The following HSPA12A variants were observed in gnomAD, a reference collection of about 807,000 sequenced individuals.
HSPA12A encodes heat shock protein family A (Hsp70) member 12A, also known as heat shock 70 kDa protein 12A.
In HSPA12A, 28 loss-of-function variants were observed where a neutral mutation model predicts 69.2. The observed-to-expected ratio is 0.40, with a 90% confidence interval of 0.30 to 0.55. HSPA12A has a LOEUF of 0.55. HSPA12A is among the 20% of genes least tolerant of loss of function. The pLI is 0.38. For synonymous variants in HSPA12A, 345 were observed against 370.5 expected (o/e 0.93, Z 0.79); for missense variants, 686 against 900.7 (o/e 0.76, Z 3.05).
intron 2 of HSPA12A, among the ~76,000 whole-genome samples, chr10:116,792,782 C>T (rs867164903): frequency 3.3e-5 from 5 of 150,098 alleles, no homozygotes; most frequent in Non-Finnish European, 7.4e-5. Flanking sequence ...CAGAGTAAGA[C>T]CCTGTCTCAA....
At chr10:116,789,576 C>CT (rs994013442) in intron 2 of HSPA12A, among the ~76,000 whole-genome samples, 3 of 152,126 alleles carry the variant, frequency 2.0e-5, no homozygotes, top group Non-Finnish European at 4.4e-5. Context: ...GCTGCTTATA[C>CT]TTTTTCTGCC....
At position 116,813,905 on chromosome 10, in the gene HSPA12A, A is replaced by G. The variant is rs75798229; in HGVS notation, c.91+21030T>C. On this transcript the variant is annotated intron_variant, in intron 2 of 12. Transcript: ENST00000635765. ...CTTGTTGCTAAGAAAAAAAGAAATT[A>G]TAGAAATGTCTAGTAATAGAATAAC... 9.1e-3 allele frequency among the ~76,000 whole-genome samples: 1,390 copies of G among 152,222 alleles called. 17 individuals are homozygous for G. The highest frequency in any genetic ancestry group is 0.031 in the African/African-American group (1,301 of 41,546).
chr10:116,819,573 C>A (rs984669217), intron 2 of HSPA12A, among the ~76,000 whole-genome samples: 39 of 152,170 alleles, frequency 2.6e-4, no homozygotes, highest in African/African-American at 7.2e-4. Context: ...TCACCAGACA[C>A]CAAATCAGTT....
At chr10:116,757,182 G>A (rs782622445) in intron 2 of HSPA12A, among the ~76,000 whole-genome samples, 12 of 152,280 alleles carry the variant, frequency 7.9e-5, no homozygotes, top group Non-Finnish European at 1.6e-4. Flanking sequence ...CTTAGCTGGG[G>A]GAAATGGGGG....
chr10:116,713,801 A>C (rs1277558930), intron 1 of HSPA12A, among the ~76,000 whole-genome samples: 1 of 151,998 alleles, frequency 6.6e-6, no homozygotes, highest in East Asian at 1.9e-4. Flanking sequence ...CATGAATTAC[A>C]CTCCTCAACC....
chr10:116,707,153 G>GCGCGCA, intron 2 of HSPA12A, 47 bp downstream of exon 2: 3 of 583,490 alleles, frequency 5.1e-6, no homozygotes, highest in African/African-American at 5.1e-5. Flanking sequence ...ACCCATGCGC[G>GCGCGCA]CACACACACA....
intron 2 of HSPA12A, chr10:116,834,884 A>T: frequency 2.0e-6 from 2 of 1,008,346 alleles, no homozygotes; most frequent in Non-Finnish European, 2.5e-6. Flanking sequence ...GTTCTGGGGC[A>T]GTTATTTCAG....
Position 116,674,769 on chromosome 10 carries a change from G to A in HSPA12A, c.*12C>T, listed in dbSNP as rs781815365. 13 of 1,594,106 alleles carry A rather than the reference G, an allele frequency of 8.2e-6. No homozygotes were observed. Among genetic ancestry groups the A allele is most frequent in the South Asian group, 4.4e-5 (4 of 90,396 alleles). On this transcript the variant is annotated 3_prime_UTR_variant, in exon 12 of 12. Transcript: ENST00000369209. Reference sequence around the variant, plus strand: ...AGTTGAGTCCAAGGGGACAGGCAGCGGGGCGGGAGGGTTAGTAATTTAAGA... The same window carrying A: ...AGTTGAGTCCAAGGGGACAGGCAGCAGGGCGGGAGGGTTAGTAATTTAAGA...
At chr10:116,702,292 C>G (rs538956953) in intron 3 of HSPA12A, among the ~76,000 whole-genome samples, 2 of 152,256 alleles carry the variant, frequency 1.3e-5, no homozygotes, top group South Asian at 4.2e-4. Flanking sequence ...TGGCCTGCCG[C>G]TGGCCATGTG....
At chr10:116,736,163 T>A (rs1851309644) in intron 1 of HSPA12A, among the ~76,000 whole-genome samples, 1 of 152,162 alleles carries the variant, frequency 6.6e-6, no homozygotes, top group Non-Finnish European at 1.5e-5. Flanking sequence ...TTTATTCAGA[T>A]CTCAATGAGT....
In HSPA12A at chr10:116,676,439, G is replaced by A. The variant is rs868970678; in HGVS notation, c.1350C>T (p.Ala450=). The change falls in exon 11 of 12, where the codon GCC becomes GCT. Residue 450 remains alanine, a synonymous_variant. Transcript: ENST00000369209. ...TGCTATCGATGGTCGGCTTAAAAAG[G>A]GCGTTCATGGCATCTGGACTCATCC... ...MLRMSPDAMN[A]LFKPTIDSII... 6.2e-7 allele frequency: 1 copy of A among 1,614,062 alleles called. No homozygotes were observed. Among genetic ancestry groups the A allele is most frequent in the Middle Eastern group, 1.7e-4 (1 of 6,060 alleles).
In HSPA12A at chr10:116,762,898, C is replaced by T. The variant is rs921395218; in HGVS notation, c.92-55613G>A. On this transcript the variant is annotated intron_variant, in intron 2 of 12. Transcript: ENST00000635765. ...GCCTTCCTCTTACTCTTTCAAAATT[C>T]AGTAGGGCATCCCTCCTCTGGGAAG... Among the ~76,000 whole-genome samples, 8 of 152,286 alleles carry T rather than the reference C, an allele frequency of 5.3e-5. 1 individual carries two copies. The highest frequency in any genetic ancestry group is 1.9e-4 in the African/African-American group (8 of 41,556).
intron 1 of HSPA12A, 93 bp downstream of exon 1, chr10:116,742,337 G>T: frequency 1.6e-6 from 2 of 1,275,594 alleles, no homozygotes; most frequent in Non-Finnish European, 2.0e-6. Context: ...ACTTTTCCAC[G>T]GCGCGCGAGG....
In HSPA12A at chr10:116,723,324, G is replaced by T. The variant is rs1369642912; in HGVS notation, c.41-16039C>A. 6.6e-6 allele frequency among the ~76,000 whole-genome samples: 1 copy of T among 152,284 alleles called. No individual in the cohort carries two copies. The highest frequency in any genetic ancestry group is 1.5e-5 in the Non-Finnish European group (1 of 68,016). ...CTGGCTTGTGCACTGGCTGTCTGCA[G>T]GGAGAGAGGGGCCCGCTGACCTTCA... On this transcript the variant is annotated intron_variant, in intron 1 of 11. Coordinates refer to ENST00000369209, the MANE Select transcript of HSPA12A (RefSeq NM_025015.3). The surrounding 1 kb of genome is among the most constrained non-coding windows in gnomAD (Gnocchi z 4.1).
chr10:116,790,223 C>G (rs1213094780), intron 2 of HSPA12A, among the ~76,000 whole-genome samples: 1 of 151,548 alleles, frequency 6.6e-6, no homozygotes, highest in Non-Finnish European at 1.5e-5. Flanking sequence ...CCTGCCTCAG[C>G]CTCCCAAGTA....
At chr10:116,844,101 C>A (rs1845843635) in intron 1 of HSPA12A, among the ~76,000 whole-genome samples, 1 of 152,206 alleles carries the variant, frequency 6.6e-6, no homozygotes, top group Non-Finnish European at 1.5e-5. Context: ...AGAGTTCTAG[C>A]TTTGAGAGGC....
intron 1 of HSPA12A, among the ~76,000 whole-genome samples, chr10:116,845,259 C>G (rs972463909): frequency 1.3e-5 from 2 of 152,074 alleles, no homozygotes; most frequent in Admixed American, 1.3e-4. Context: ...TTATATATAA[C>G]TACTATTACA....
At chr10:116,796,156 AAAAAAAAAAAG>A (rs1844820925) in intron 2 of HSPA12A, among the ~76,000 whole-genome samples, 1 of 59,534 alleles carries the variant, frequency 1.7e-5, no homozygotes, top group African/African-American at 3.6e-5. Context: ...AAAAAAAAAA[AAAAAAAAAAAG>A]AAAGAAAGAA....
At chr10:116,755,028 CCT>C (rs1843802688) in intron 2 of HSPA12A, among the ~76,000 whole-genome samples, 1 of 152,180 alleles carries the variant, frequency 6.6e-6, no homozygotes, top group African/African-American at 2.4e-5. Context: ...ATCTTAGCTC[CCT>C]GCAGCCTTTG....
Sources: allele counts gnomAD v4.1 joint callset (sites outside exome capture counted in the v4.1 genomes callset), GRCh38; gene constraint gnomAD v4.1.1; non-coding constraint Gnocchi (gnomAD v3.1); transcripts MANE v1.5; gene names NCBI Gene and HGNC (gene_info 2026-07-23, HGNC 2026-07-21).